The following PRDM11 variants were observed in gnomAD, a reference collection of about 807,000 sequenced individuals.
PRDM11 encodes PR domain-containing protein 11.
PRDM11 carries 20 observed loss-of-function variants against 97.8 expected under a neutral mutation model. The observed-to-expected ratio is 0.20, with a 90% CI of 0.14 to 0.30. The LOEUF is 0.30. Among genes scored for constraint, PRDM11 ranks in the 10% least tolerant of loss-of-function variants. The pLI is 1.00. For synonymous variants in PRDM11, 599 were observed against 637.7 expected, an observed-to-expected ratio of 0.94 and a Z score of 0.91; for missense variants, 1,139 against 1,555.2, an observed-to-expected ratio of 0.73 and a Z score of 4.50.
At chr11:45,209,165 C>T (rs531529270) in intron 5 of PRDM11, 21 of 453,850 alleles carry the variant, frequency 4.6e-5, no homozygotes, top group Admixed American at 2.6e-4. Flanking sequence ...GCCCTGGGGC[C>T]GGGGGCCGGG....
upstream of PRDM11, among the ~76,000 whole-genome samples, chr11:45,094,159 TGCAAGTA>T (rs1437389480): frequency 6.6e-6 from 1 of 152,232 alleles, no homozygotes; most frequent in Non-Finnish European, 1.5e-5. Context: ...TGAAGTGCCA[TGCAAGTA>T]GCTAGCATGC....
At chr11:45,097,850 G>A (rs1201778054) in intron 1 of PRDM11, among the ~76,000 whole-genome samples, 2 of 152,276 alleles carry the variant, frequency 1.3e-5, no homozygotes, top group Non-Finnish European at 2.9e-5. Flanking sequence ...AGTGGCAGGA[G>A]GAAGTGGGGA....
chr11:45,209,317 C>T (rs555997959), intron 5 of PRDM11: 4 of 354,704 alleles, frequency 1.1e-5, no homozygotes, highest in African/African-American at 4.3e-5. Context: ...CAGTCCCCCC[C>T]GCCACCCAGC....
intron 4 of PRDM11, among the ~76,000 whole-genome samples, chr11:45,191,963 G>A (rs10444285): frequency 0.61 from 91,913 of 151,830 alleles, 30,011 homozygotes; most frequent in Non-Finnish European, 0.75. Flanking sequence ...AGCCTCCCAT[G>A]CATTAGGTAT....
At chr11:45,194,616 T>A (rs1853043365) in intron 4 of PRDM11, among the ~76,000 whole-genome samples, 2 of 134,634 alleles carry the variant, frequency 1.5e-5, no homozygotes, top group African/African-American at 5.6e-5. Flanking sequence ...TTTTTTTTTT[T>A]GAGACGGAGT....
chr11:45,179,591 G>A (rs186616190), intron 1 of PRDM11, among the ~76,000 whole-genome samples: 5 of 152,298 alleles, frequency 3.3e-5, no homozygotes, highest in East Asian at 1.9e-4. Flanking sequence ...GTGGCACTCC[G>A]CCTTGTGGAT....
rs145178375 is a variant in PRDM11, at chr11:45,162,014, A to G, written c.-7+15137A>G. Among the ~76,000 whole-genome samples, 666 of 152,270 alleles carry G rather than the reference A, an allele frequency of 4.4e-3. 4 individuals are homozygous for G. The highest frequency in any genetic ancestry group is 0.015 in the African/African-American group (620 of 41,568). ...CGACCTAATGTGACAGTCTTGGCAA[A>G]AGGTTCCTGGCCACACAGCTTGGCC... On this transcript the variant is annotated intron_variant, in intron 1 of 7. Transcript: ENST00000683152.
At chr11:45,118,232 A>C (rs1852345853) in intron 1 of PRDM11, among the ~76,000 whole-genome samples, 1 of 152,222 alleles carries the variant, frequency 6.6e-6, no homozygotes. Flanking sequence ...GAAAAACAAC[A>C]AAACAAAAAA....
intron 4 of PRDM11, among the ~76,000 whole-genome samples, chr11:45,189,924 T>C (rs1050449156): frequency 6.6e-6 from 1 of 152,276 alleles, no homozygotes; most frequent in African/African-American, 2.4e-5. Flanking sequence ...AGGGTAGTCG[T>C]GCAGTGTGTG....
chr11:45,218,929 G>T (rs1854032651), intron 5 of PRDM11, among the ~76,000 whole-genome samples: 2 of 152,212 alleles, frequency 1.3e-5, no homozygotes, highest in African/African-American at 4.8e-5. Context: ...CAAGTTGCTT[G>T]GCCTCTCTGA....
intron 5 of PRDM11, among the ~76,000 whole-genome samples, chr11:45,212,251 C>G (rs1271898932): frequency 6.6e-6 from 1 of 152,138 alleles, no homozygotes; most frequent in Non-Finnish European, 1.5e-5. Flanking sequence ...TAGAGCTGTT[C>G]CGTTGAGAGG....
At chr11:45,209,340 C>T (rs1353828750) in intron 5 of PRDM11, 1 of 354,172 alleles carries the variant, frequency 2.8e-6, no homozygotes, top group Non-Finnish European at 5.6e-6. Flanking sequence ...GCTGCCTGCC[C>T]CCCAGCTTAC....
intron 6 of PRDM11, among the ~76,000 whole-genome samples, chr11:45,221,578 T>G (rs1220282724): frequency 1.3e-5 from 2 of 152,192 alleles, no homozygotes; most frequent in African/African-American, 4.8e-5. Context: ...CACCTGAAGC[T>G]GCATCATCCT....
Position 45,230,368 on chromosome 11 carries a change from T to C in PRDM11, c.*2209T>C, listed in dbSNP as rs1023751467. On this transcript the variant is annotated 3_prime_UTR_variant, in exon 8 of 8. Transcript: ENST00000683152. ...GAGCAAGAAGACAGTTAGCAGGAACTAGCAAGGAAAGGCTGAAAGCCTCCT... is the reference window on the plus strand; with the variant it reads ...GAGCAAGAAGACAGTTAGCAGGAACCAGCAAGGAAAGGCTGAAAGCCTCCT... The C allele has an allele frequency of 3.9e-5, 6 of 152,098 alleles. No individual in the cohort carries two copies. Among genetic ancestry groups the C allele is most frequent in the Admixed American group, 3.9e-4 (6 of 15,266 alleles). 9.4% of individuals were successfully genotyped at this position (152,098 alleles called of 1,614,324 possible). A position where few individuals can be genotyped will look rare whatever the true frequency, so the allele number is the denominator to read the frequency against.
exon 1 of PRDM11, chr11:45,095,833 T>C (rs1851881164): frequency 1.3e-6 from 1 of 775,346 alleles, no homozygotes; most frequent in Non-Finnish European, 2.4e-6. Flanking sequence ...GCCAATTGCA[T>C]CCCTGATGAT....
chr11:45,162,288 C>A (rs577939522), intron 1 of PRDM11, among the ~76,000 whole-genome samples: 1 of 152,040 alleles, frequency 6.6e-6, no homozygotes, highest in Non-Finnish European at 1.5e-5. Flanking sequence ...TTGCAGCAGC[C>A]CTGGGGGCTC....
At chr11:45,191,924 G>A (rs945907002) in intron 4 of PRDM11, among the ~76,000 whole-genome samples, 3 of 152,048 alleles carry the variant, frequency 2.0e-5, no homozygotes, top group African/African-American at 7.3e-5. Context: ...GTGGTTTGCT[G>A]TACCTAACAA....
intron 1 of PRDM11, among the ~76,000 whole-genome samples, chr11:45,166,229 T>G (rs1178456003): frequency 6.6e-6 from 1 of 152,162 alleles, no homozygotes; most frequent in Non-Finnish European, 1.5e-5. Context: ...CTGCCCTGCT[T>G]TCTTAGGTAT....
At chr11:45,143,473 T>C (rs576828610), upstream of PRDM11, among the ~76,000 whole-genome samples, 1 of 152,238 alleles carries the variant, frequency 6.6e-6, no homozygotes, top group Non-Finnish European at 1.5e-5. Context: ...GAGGTCATAA[T>C]GTACCTGGCC....
Sources: gnomAD v4.1 joint callset for allele counts (sites outside exome capture counted in the v4.1 genomes callset) on GRCh38, gnomAD v4.1.1 for gene constraint, MANE v1.5 for transcripts, NCBI Gene and HGNC (gene_info 2026-07-23, HGNC 2026-07-21) for gene names.